Variants in PGAP2 observed in about 807,000 individuals in gnomAD.
The protein encoded by PGAP2 is post-GPI attachment to proteins 2, also known as acyltransferase PGAP2.
Under a neutral mutation model 33.2 loss-of-function variants are expected in PGAP2, and 21 were observed. The ratio of observed to expected loss-of-function variants is 0.63; its 90% confidence interval spans 0.45 to 0.91. The LOEUF is 0.91. Ranked by LOEUF, PGAP2 falls within the 40% of genes least tolerant of loss-of-function variation. The pLI is 0.00. For missense variants in PGAP2, 345 were observed against 424.0 expected, an observed-to-expected ratio of 0.81 and a Z score of 1.64; for synonymous variants, 161 against 172.9, an observed-to-expected ratio of 0.93 and a Z score of 0.54.
chr11:3,823,973 G>A lies in PGAP2; in HGVS notation c.439G>A (p.Ala147Thr), dbSNP rs1565057788. Reference protein sequence around the residue: ...VWRFCIGLHSAPRFLVAFAYW... With the variant: ...VWRFCIGLHSTPRFLVAFAYW... ...GCGTTTCTGCATCGGCCTGCACTCG[G>A]CGCCTCGCTTCTTGGTGGCCTTCGC... The change falls in exon 4 of 7, where the codon GCG becomes ACG. Residue 147 changes from alanine to threonine, a missense_variant. Ala to Thr is a moderately conservative substitution (Grantham distance 58). Coordinates refer to ENST00000278243, the MANE Select transcript of PGAP2 (RefSeq NM_014489.4). 1.2e-6 allele frequency: 2 copies of A among 1,612,336 alleles called. No individual in the cohort carries two copies. The highest frequency in any genetic ancestry group is 1.7e-6 in the Non-Finnish European group (2 of 1,179,996).
chr11:3,820,081 T>A (rs891057952), intron 3 of PGAP2, among the ~76,000 whole-genome samples: 7 of 152,158 alleles, frequency 4.6e-5, no homozygotes, highest in Non-Finnish European at 8.8e-5. Flanking sequence ...AGTCAAGCTT[T>A]AGATGGTGGT....
chr11:3,806,859 T>G (rs969986754), upstream of PGAP2, among the ~76,000 whole-genome samples: 1 of 151,908 alleles, frequency 6.6e-6, no homozygotes, highest in Admixed American at 6.6e-5. Flanking sequence ...CCATCTCTAC[T>G]AAAAGTACAA....
At position 3,811,576 on chromosome 11, in the gene PGAP2, G is replaced by A. The variant is rs2134373829; in HGVS notation, c.165+152G>A. ...GGATGCCTGCAAATTGAAATCTCAAGGGTTAGTCTCCCTCTGCCTTCTGTG... is the reference window on the plus strand; with the variant it reads ...GGATGCCTGCAAATTGAAATCTCAAAGGTTAGTCTCCCTCTGCCTTCTGTG... On this transcript the variant is annotated intron_variant, in intron 2 of 6. Transcript: ENST00000278243. The surrounding 1 kb of genome is among the most constrained non-coding windows in gnomAD (Gnocchi z 4.6). The A allele has an allele frequency of 2.7e-6, 2 of 731,592 alleles. No homozygotes were observed. Among genetic ancestry groups the A allele is most frequent in the Non-Finnish European group, 4.3e-6 (2 of 460,170 alleles). 45.3% of individuals were successfully genotyped at this position (731,592 alleles called of 1,614,324 possible).
chr11:3,825,642 T>G lies in PGAP2; in HGVS notation c.*184T>G. 1 of 516,282 alleles carries G rather than the reference T, an allele frequency of 1.9e-6. No homozygotes were observed. The highest frequency in any genetic ancestry group is 3.4e-6 in the Non-Finnish European group (1 of 293,654). The allele number at this position is 516,282 out of a possible 1,614,324, so 32.0% of individuals were successfully genotyped here. On this transcript the variant is annotated 3_prime_UTR_variant, in exon 7 of 7. Transcript: ENST00000278243. Reference sequence around the variant, plus strand: ...TGGCTTCTCCTCTCCACCCCTCATATGGGCGTGGGGTCCTCAAACATCACC... The same window carrying G: ...TGGCTTCTCCTCTCCACCCCTCATAGGGGCGTGGGGTCCTCAAACATCACC...
intron 1 of PGAP2, among the ~76,000 whole-genome samples, chr11:3,802,826 CTTTT>C (rs142858427): frequency 0.67 from 93,889 of 139,102 alleles, 32,172 homozygotes; most frequent in East Asian, 0.81. Flanking sequence ...TGTTTTGTTT[CTTTT>C]TTTTTTTTTT....
intron 1 of PGAP2, among the ~76,000 whole-genome samples, chr11:3,798,504 A>G (rs963175614): frequency 2.0e-5 from 3 of 150,338 alleles, no homozygotes; most frequent in African/African-American, 7.4e-5. Flanking sequence ...TAATTTTTGT[A>G]TTTATAGTAG....
rs181958368 is a variant in PGAP2 at position 3,811,287 on chromosome 11, C to T, written c.28C>T (p.Arg10Trp). Reference sequence around the variant, plus strand: ...GTACCAGGTCCCACTACCACTGGATCGGGATGGGACCCTGGTACGGCTCCG... The same window carrying T: ...GTACCAGGTCCCACTACCACTGGATTGGGATGGGACCCTGGTACGGCTCCG... The part of the protein sequence containing the change: MYQVPLPLD[R>W]DGTLVRLRFT... Residue 10 changes from arginine (R) to tryptophan (W), a missense_variant, in exon 2 of 7, where the codon CGG (arginine) becomes TGG (tryptophan). Arg to Trp is a moderately radical substitution (Grantham distance 101, BLOSUM62 -3). Transcript: ENST00000278243. The surrounding 1 kb of genome is among the most constrained non-coding windows in gnomAD (Gnocchi z 4.6). 4.3e-6 allele frequency: 7 copies of T among 1,613,910 alleles called. No individual in the cohort carries two copies. The highest frequency in any genetic ancestry group is 2.2e-5 in the East Asian group (1 of 44,876).
intron 5 of PGAP2, 25 bp downstream of exon 5, chr11:3,824,401 T>C (rs770446214): frequency 6.2e-7 from 1 of 1,614,124 alleles, no homozygotes; most frequent in Admixed American, 1.7e-5. Context: ...TAGCGGGGGC[T>C]CCAAGGCAGC....
At chr11:3,822,822 G>C in intron 3 of PGAP2, 1 of 712,146 alleles carries the variant, frequency 1.4e-6, no homozygotes, top group Non-Finnish European at 2.3e-6. Flanking sequence ...CTAAACCCTT[G>C]TTCAGTCATC....
intron 3 of PGAP2, among the ~76,000 whole-genome samples, chr11:3,823,164 T>C (rs2089284482): frequency 6.6e-6 from 1 of 150,548 alleles, no homozygotes; most frequent in South Asian, 2.1e-4. Context: ...GCCTCCTGAG[T>C]AGCTGGGACT....
chr11:3,814,182 G>GT (rs1272766664), intron 2 of PGAP2, among the ~76,000 whole-genome samples: 1 of 152,170 alleles, frequency 6.6e-6, no homozygotes, highest in Non-Finnish European at 1.5e-5. Context: ...CCCAGTGATG[G>GT]GGAGCTTCCT....
Position 3,824,047 on chromosome 11 carries a change from C to G in PGAP2, c.513C>G (p.Arg171=). ...GCACCTCCCCGTGTTCCTGCTATCG[C>G]CCGCTCTGCCGCCTCAACTTCGGCC... is the stretch of plus-strand genomic sequence containing the variant. ...LSCTSPCSCY[R]PLCRLNFGLN... Residue 171 remains arginine (R), a synonymous_variant, in exon 4 of 7, where the codon CGC becomes CGG. Coordinates refer to ENST00000278243, the MANE Select transcript of PGAP2 (RefSeq NM_014489.4). 1 of 1,614,190 alleles carries G rather than the reference C, an allele frequency of 6.2e-7. No homozygotes were observed.
rs774859227 is a variant in PGAP2, at chr11:3,824,036, TC to T, written c.504del (p.Cys169AlafsTer21). ...NHYLSCTSPCSCYRPLCRLNF... is the reference protein window; with the variant it reads ...NHYLSCTSPCXCYRPLCRLNF... ...CTACCTCAGCTGCACCTCCCCGTGT[TC>T]CTGCTATCGCCCGCTCTGCCGCCTC... On this transcript the variant is annotated frameshift_variant, in exon 4 of 7. Transcript: ENST00000278243. LOFTEE classifies it high-confidence loss of function. 1 of 1,614,150 alleles carries T rather than the reference TC, an allele frequency of 6.2e-7. No individual in the cohort carries two copies. Among genetic ancestry groups the T allele is most frequent in the South Asian group, 1.1e-5 (1 of 91,078 alleles).
intron 1 of PGAP2, among the ~76,000 whole-genome samples, chr11:3,803,009 T>C (rs2083710524): frequency 1.3e-5 from 2 of 148,350 alleles, no homozygotes; most frequent in Non-Finnish European, 3.0e-5. Flanking sequence ...TTTTTTTCTT[T>C]TGGAGACAGA....
upstream of PGAP2, among the ~76,000 whole-genome samples, chr11:3,806,943 C>T (rs946899470): frequency 1.3e-5 from 2 of 151,904 alleles, no homozygotes; most frequent in South Asian, 4.1e-4. Context: ...ATTGCTTGAA[C>T]CCGGGAGGTG....
chr11:3,818,599 CCCA>C (rs1464305944), intron 3 of PGAP2, among the ~76,000 whole-genome samples: 1 of 152,142 alleles, frequency 6.6e-6, no homozygotes, highest in Non-Finnish European at 1.5e-5. Context: ...AGCCCCAGGC[CCCA>C]CCACCTGTAT....
At position 3,824,523 on chromosome 11, in the gene PGAP2, G is replaced by C. The variant is rs1241375375; in HGVS notation, c.708+147G>C. On this transcript the variant is annotated intron_variant, in intron 5 of 6. Coordinates refer to ENST00000278243, the MANE Select transcript of PGAP2 (RefSeq NM_014489.4). ...GTGCTGGGGTTGGGGCTGGGGCTTG[G>C]GAACAAACTGAGGGTGGTTGGTCAG... 3.3e-6 allele frequency: 4 copies of C among 1,220,134 alleles called. No individual in the cohort carries two copies. The East Asian group carries it at 1.0e-4, about 31-fold the overall frequency. 75.6% of individuals were successfully genotyped at this position (1,220,134 alleles called of 1,614,324 possible).
At chr11:3,814,808 CTTTCTCTTTCTTTCT>C (rs2086561992) in intron 2 of PGAP2, among the ~76,000 whole-genome samples, 3 of 121,706 alleles carry the variant, frequency 2.5e-5, no homozygotes, top group African/African-American at 9.0e-5. Flanking sequence ...TTCTTTCTTT[CTTTCTCTTTCTTTCT>C]TTTTTTCTTT....
At chr11:3,818,476 G>A (rs1365046855) in intron 3 of PGAP2, among the ~76,000 whole-genome samples, 1 of 152,128 alleles carries the variant, frequency 6.6e-6, no homozygotes, top group Non-Finnish European at 1.5e-5. Context: ...GGTAAAATGA[G>A]GCCAGAAGAT....
Sources: gnomAD v4.1 joint callset for allele counts (sites outside exome capture counted in the v4.1 genomes callset) on GRCh38, gnomAD v4.1.1 for gene constraint, Gnocchi (gnomAD v3.1) non-coding constraint, MANE v1.5 for transcripts, NCBI Gene and HGNC (gene_info 2026-07-23, HGNC 2026-07-21) for gene names.